The following ARSB variants were observed in gnomAD, a reference collection of about 807,000 sequenced individuals.
ARSB encodes the protein N-acetylgalactosamine-4-sulfatase.
ARSB carries 41 observed loss-of-function variants against 50.9 expected under a neutral mutation model. The observed-to-expected ratio is 0.81, with a 90% CI of 0.63 to 1.04. ARSB has a LOEUF of 1.04. ARSB is among the 50% of genes least tolerant of loss of function. The pLI, the probability that ARSB is intolerant of heterozygous loss-of-function variation, is 0.00. For missense variants in ARSB, 672 were observed against 693.3 expected, an observed-to-expected ratio of 0.97 and a Z score of 0.35; for synonymous variants, 269 against 284.8, an observed-to-expected ratio of 0.94 and a Z score of 0.56.
At chr5:78,920,782 C>T (rs1427499105) in intron 4 of ARSB, among the ~76,000 whole-genome samples, 3 of 152,182 alleles carry the variant, frequency 2.0e-5, no homozygotes, top group African/African-American at 7.2e-5. Flanking sequence ...GAACCTCTGG[C>T]TCACATTGAG....
At chr5:78,888,840 T>C (rs892098365) in intron 4 of ARSB, among the ~76,000 whole-genome samples, 8 of 152,234 alleles carry the variant, frequency 5.3e-5, no homozygotes, top group African/African-American at 1.9e-4. Flanking sequence ...GTGACTGTTT[T>C]TGCAATTAGT....
intron 5 of ARSB, among the ~76,000 whole-genome samples, chr5:78,863,193 G>A (rs1039539087): frequency 6.6e-6 from 1 of 152,196 alleles, no homozygotes; most frequent in Non-Finnish European, 1.5e-5. Context: ...GTGGAAGACA[G>A]TGTGGCGATT....
At chr5:78,906,120 C>T (rs557402336) in intron 4 of ARSB, among the ~76,000 whole-genome samples, 1 of 151,606 alleles carries the variant, frequency 6.6e-6, no homozygotes, top group East Asian at 1.9e-4. Flanking sequence ...GTGGCTCACA[C>T]CAGCCAGGCA....
rs373696303 is a variant in ARSB, at chr5:78,835,561, T to C, written c.1213+3795A>G. Among the ~76,000 whole-genome samples, 18 of 152,292 alleles carry C rather than the reference T, an allele frequency of 1.2e-4. No homozygotes were observed. In the East Asian group the frequency reaches 1.5e-3, roughly 13 times the overall value. On this transcript the variant is annotated intron_variant, in intron 6 of 7. Coordinates refer to ENST00000264914, the MANE Select transcript of ARSB (RefSeq NM_000046.5). ...CAGAAAGGTGGCCAGGATATAGTAA[T>C]AAGAAACTCATAAAATAATTCAAAT...
intron 4 of ARSB, among the ~76,000 whole-genome samples, chr5:78,904,363 T>C (rs1580031880): frequency 6.6e-6 from 1 of 151,996 alleles, no homozygotes; most frequent in Admixed American, 6.5e-5. Context: ...TGAATGAGAC[T>C]GCTGCTTTCA....
rs1475753277 is a variant in ARSB at position 78,915,052 on chromosome 5, T to G, written c.899-29225A>C. 2.0e-5 allele frequency among the ~76,000 whole-genome samples: 3 copies of G among 152,236 alleles called. No individual in the cohort carries two copies. In the East Asian group the frequency reaches 5.8e-4, roughly 29 times the overall value. On this transcript the variant is annotated intron_variant, in intron 4 of 7. Transcript: ENST00000264914. ...GGCTACTTTCTTTAGTTTTTGAGCT[T>G]GCTCCTTGTTCCTTATGTGTGTATT... is the stretch of plus-strand genomic sequence containing the variant.
chr5:78,872,781 A>C (rs1747276344), intron 5 of ARSB, among the ~76,000 whole-genome samples: 1 of 149,106 alleles, frequency 6.7e-6, no homozygotes, highest in South Asian at 2.2e-4. Context: ...TAACCTGCAC[A>C]ATGTGCACAT....
chr5:78,792,882 C>T (rs528451104), intron 6 of ARSB, among the ~76,000 whole-genome samples: 23 of 152,188 alleles, frequency 1.5e-4, no homozygotes, highest in African/African-American at 5.5e-4. Flanking sequence ...GAACCAGCTG[C>T]AAAGGGAACG....
chr5:78,821,434 G>A (rs1410135351), intron 6 of ARSB, among the ~76,000 whole-genome samples: 1 of 152,120 alleles, frequency 6.6e-6, no homozygotes, highest in Non-Finnish European at 1.5e-5. Context: ...CACTGCACTG[G>A]GCCAATTTTG....
At chr5:78,877,455 C>A (rs1290796323) in intron 5 of ARSB, among the ~76,000 whole-genome samples, 10 of 152,122 alleles carry the variant, frequency 6.6e-5, no homozygotes. Flanking sequence ...GTGGTGCAAT[C>A]TCGGATCACT....
At chr5:78,803,914 T>C (rs1459448142) in intron 6 of ARSB, among the ~76,000 whole-genome samples, 1 of 152,258 alleles carries the variant, frequency 6.6e-6, no homozygotes, top group African/African-American at 2.4e-5. Flanking sequence ...TGCTATTCCC[T>C]GCAGGCAAGG....
At position 78,803,963 on chromosome 5, in the gene ARSB, T is replaced by C. The variant is rs56909053; in HGVS notation, c.1214-21989A>G. Among the ~76,000 whole-genome samples the C allele has an allele frequency of 6.8e-3, 1,035 of 152,342 alleles. 15 individuals are homozygous for C. The highest frequency in any genetic ancestry group is 0.022 in the African/African-American group (935 of 41,584). ...GTCAAGGGCCTATTTGTTGTTTCAG[T>C]GCCCTTATTCTCCCACCCGAGGGCA... On this transcript the variant is annotated intron_variant, in intron 6 of 7. Coordinates refer to ENST00000264914, the MANE Select transcript of ARSB (RefSeq NM_000046.5).
intron 5 of ARSB, among the ~76,000 whole-genome samples, chr5:78,841,907 C>T (rs749946725): frequency 6.6e-6 from 1 of 152,120 alleles, no homozygotes; most frequent in African/African-American, 2.4e-5. Flanking sequence ...TTTTAAAATG[C>T]ACTCATCAGA....
At chr5:78,876,166 T>C (rs1357875088) in intron 5 of ARSB, among the ~76,000 whole-genome samples, 2 of 151,832 alleles carry the variant, frequency 1.3e-5, no homozygotes, top group African/African-American at 2.4e-5. Context: ...TAAATATATA[T>C]ATATAAAATT....
At chr5:78,890,733 A>G (rs1313964026) in intron 4 of ARSB, among the ~76,000 whole-genome samples, 1 of 152,172 alleles carries the variant, frequency 6.6e-6, no homozygotes, top group African/African-American at 2.4e-5. Context: ...CTTTTTGGGT[A>G]TCAACTCCTG....
chr5:78,830,298 T>C (rs1744614648), intron 6 of ARSB, among the ~76,000 whole-genome samples: 1 of 152,126 alleles, frequency 6.6e-6, no homozygotes, highest in Non-Finnish European at 1.5e-5. Flanking sequence ...CGTGGTGCTG[T>C]AGAGAAGGGA....
chr5:78,783,668 C>A (rs530906156), intron 6 of ARSB, among the ~76,000 whole-genome samples: 1 of 152,258 alleles, frequency 6.6e-6, no homozygotes, highest in Non-Finnish European at 1.5e-5. Context: ...TCATGGTTTA[C>A]TCCTCACAAG....
chr5:78,829,673 A>G (rs1252254851), intron 6 of ARSB, among the ~76,000 whole-genome samples: 4 of 152,226 alleles, frequency 2.6e-5, no homozygotes, highest in Non-Finnish European at 5.9e-5. Flanking sequence ...TCTGTTTTCA[A>G]CAACGTCCCA....
At chr5:78,863,510 G>C (rs565974776) in intron 5 of ARSB, among the ~76,000 whole-genome samples, 1 of 139,750 alleles carries the variant, frequency 7.2e-6, no homozygotes, top group Admixed American at 8.2e-5. Flanking sequence ...AGCAAGGACA[G>C]AAAACCAAAC....
Sources: gnomAD v4.1 joint callset for allele counts (sites outside exome capture counted in the v4.1 genomes callset) on GRCh38, gnomAD v4.1.1 for gene constraint, MANE v1.5 for transcripts, NCBI Gene and HGNC (gene_info 2026-07-23, HGNC 2026-07-21) for gene names.